Variants in LAMP3 observed in about 807,000 individuals in gnomAD.
The protein encoded by LAMP3 is lysosome associated membrane protein 3.
In LAMP3, 26 loss-of-function variants were observed where a neutral mutation model predicts 34.8. The observed-to-expected ratio is 0.75, with a 90% CI of 0.55 to 1.04. The LOEUF (loss-of-function observed/expected upper bound fraction) is 1.04. LAMP3 is among the 50% of genes least tolerant of loss of function. The pLI is 0.00. For synonymous variants in LAMP3, 180 were observed against 201.9 expected (o/e 0.89, Z 0.92); for missense variants, 495 against 524.0 (o/e 0.94, Z 0.54).
intron 4 of LAMP3, among the ~76,000 whole-genome samples, chr3:183,140,219 C>T (rs894493212): frequency 4.6e-5 from 7 of 151,858 alleles, no homozygotes; most frequent in Admixed American, 3.3e-4. Context: ...CCAGTCTCGC[C>T]AATGTGGTGA....
intron 1 of LAMP3, among the ~76,000 whole-genome samples, chr3:183,161,413 G>A (rs1231283950): frequency 2.6e-5 from 4 of 151,404 alleles, no homozygotes; most frequent in Non-Finnish European, 5.9e-5. Context: ...TTTTTTTTGA[G>A]ACAGAGTCTC....
chr3:183,140,686 T>A, intron 3 of LAMP3, 91 bp from the exon 4 acceptor site: 1 of 839,894 alleles, frequency 1.2e-6, no homozygotes, highest in African/African-American at 1.7e-5. Flanking sequence ...TTCCAGCTAT[T>A]AAATCTGGAT....
intron 3 of LAMP3, among the ~76,000 whole-genome samples, chr3:183,150,946 TTG>T (rs2108609700): frequency 6.6e-6 from 1 of 152,292 alleles, no homozygotes; most frequent in South Asian, 2.1e-4. Flanking sequence ...ATATGAAGGA[TTG>T]TGTCTTTCCC....
At chr3:183,149,121 T>C (rs1378312153) in intron 3 of LAMP3, among the ~76,000 whole-genome samples, 1 of 152,026 alleles carries the variant, frequency 6.6e-6, no homozygotes, top group Non-Finnish European at 1.5e-5. Context: ...TTCTCACTTA[T>C]TTGTGGAAAT....
At chr3:183,130,673 TTC>T (rs1719892400) in intron 5 of LAMP3, among the ~76,000 whole-genome samples, 1 of 152,132 alleles carries the variant, frequency 6.6e-6, no homozygotes, top group Non-Finnish European at 1.5e-5. Context: ...TTGGATTCTA[TTC>T]TCTTTTTTGT....
chr3:183,147,067 C>A (rs945162993), intron 3 of LAMP3, among the ~76,000 whole-genome samples: 1 of 151,788 alleles, frequency 6.6e-6, no homozygotes, highest in African/African-American at 2.4e-5. Flanking sequence ...CATGGTGAAA[C>A]CCCATCTCTA....
intron 3 of LAMP3, among the ~76,000 whole-genome samples, chr3:183,142,654 AT>A (rs1720319831): frequency 6.6e-6 from 1 of 152,138 alleles, no homozygotes; most frequent in Non-Finnish European, 1.5e-5. Context: ...ATTTTCCTCC[AT>A]GGGATGTGTG....
intron 2 of LAMP3, among the ~76,000 whole-genome samples, chr3:183,153,241 A>C (rs895783053): frequency 2.0e-5 from 3 of 152,028 alleles, no homozygotes; most frequent in Non-Finnish European, 4.4e-5. Context: ...AAATAATCGC[A>C]ATCCCTCTCC....
In LAMP3 at chr3:183,139,947, A is replaced by C. The variant is rs1198217817; in HGVS notation, c.946+591T>G. Among the ~76,000 whole-genome samples, 9 of 152,380 alleles carry C rather than the reference A, an allele frequency of 5.9e-5. No homozygotes were observed. The East Asian group carries it at 1.7e-3, about 29-fold the overall frequency. On this transcript the variant is annotated intron_variant, in intron 4 of 5. Coordinates refer to ENST00000265598, the MANE Select transcript of LAMP3 (RefSeq NM_014398.4). ...GTATAGAATAAGCTGCACTATCGAC[A>C]GCAAATCTGTCAAAAAGCCACTAAA...
chr3:183,132,340 G>A (rs1719950175), intron 5 of LAMP3: 1 of 943,960 alleles, frequency 1.1e-6, no homozygotes, highest in African/African-American at 1.8e-5. Flanking sequence ...CAAAATTTGG[G>A]TAAAATCCAG....
At chr3:183,126,689 C>A (rs1719788892) in intron 5 of LAMP3, among the ~76,000 whole-genome samples, 1 of 151,642 alleles carries the variant, frequency 6.6e-6, no homozygotes, top group Non-Finnish European at 1.5e-5. Flanking sequence ...AAAGTAAAAC[C>A]AATTACCCCA....
rs373548110 is a variant in LAMP3, at chr3:183,154,079, G to A, written c.362C>T (p.Thr121Ile). The A allele has an allele frequency of 2.5e-6, 4 of 1,614,058 alleles. No homozygotes were observed. The highest frequency in any genetic ancestry group is 1.3e-5 in the African/African-American group (1 of 74,928). Residue 121 changes from threonine to isoleucine, a missense_variant, in exon 2 of 6, where the codon ACT becomes ATT. Physicochemically the swap from Thr to Ile is moderately conservative, Grantham distance 89. Coordinates refer to ENST00000265598, the MANE Select transcript of LAMP3 (RefSeq NM_014398.4). ...TAAGCTAGGGCCGACTGTAACTTCA[G>A]TAACTGGAGGAGCTGTGTGTGAGTT... ...PNNSHTAPPV[T>I]EVTVGPSLAP...
At chr3:183,143,589 G>A (rs1443523936) in intron 3 of LAMP3, among the ~76,000 whole-genome samples, 2 of 152,028 alleles carry the variant, frequency 1.3e-5, no homozygotes, top group African/African-American at 4.8e-5. Flanking sequence ...TTTCCATATG[G>A]TATTTAAGCC....
At chr3:183,148,628 T>A (rs1390163253) in intron 3 of LAMP3, among the ~76,000 whole-genome samples, 1 of 152,042 alleles carries the variant, frequency 6.6e-6, no homozygotes, top group African/African-American at 2.4e-5. Context: ...GAAATGCAAA[T>A]CAAAACTACA....
intron 3 of LAMP3, among the ~76,000 whole-genome samples, chr3:183,144,054 C>A (rs906366161): frequency 6.6e-6 from 1 of 152,140 alleles, no homozygotes; most frequent in Admixed American, 6.5e-5. Flanking sequence ...CAAAACACAC[C>A]GTGGAAGTTT....
chr3:183,153,653 A>T, intron 2 of LAMP3, 29 bp downstream of exon 2: 1 of 1,429,084 alleles, frequency 7.0e-7, no homozygotes, highest in Non-Finnish European at 9.4e-7. Context: ...TTTTGAAGAT[A>T]GTGTTATAGT....
chr3:183,162,180 T>C (rs1445758917), intron 1 of LAMP3, among the ~76,000 whole-genome samples: 1 of 149,680 alleles, frequency 6.7e-6, no homozygotes, highest in African/African-American at 2.5e-5. Context: ...GGAAGTACAA[T>C]GATCATTTAA....
At chr3:183,153,130 G>A (rs1291367609) in intron 2 of LAMP3, among the ~76,000 whole-genome samples, 1 of 142,308 alleles carries the variant, frequency 7.0e-6, no homozygotes, top group African/African-American at 2.6e-5. Flanking sequence ...AGCCAAGACT[G>A]TGCCACTACA....
chr3:183,161,146 A>G (rs994456747), intron 1 of LAMP3, among the ~76,000 whole-genome samples: 1 of 152,144 alleles, frequency 6.6e-6, no homozygotes, highest in African/African-American at 2.4e-5. Context: ...TTTTTCAGTG[A>G]GGGAACTGAG....
Sources: allele counts gnomAD v4.1 joint callset (sites outside exome capture counted in the v4.1 genomes callset), GRCh38; gene constraint gnomAD v4.1.1; transcripts MANE v1.5; gene names NCBI Gene and HGNC (gene_info 2026-07-23, HGNC 2026-07-21).